PAK3: variants seen among roughly 807,000 people sequenced by gnomAD.
PAK3 encodes p21 (RAC1) activated kinase 3, also known as serine/threonine-protein kinase PAK 3.
In PAK3, 4 loss-of-function variants were observed where a neutral mutation model predicts 41.0. The ratio of observed to expected loss-of-function variants is 0.10; its 90% CI spans 0.05 to 0.22. The LOEUF (loss-of-function observed/expected upper bound fraction) is 0.22, where lower values mean the gene tolerates loss of function less well. Ranked by LOEUF, PAK3 falls within the 10% of genes least tolerant of loss-of-function variation. PAK3 has a pLI of 1.00. For missense variants in PAK3, 205 were observed against 409.9 expected (o/e 0.50, Z 4.32); for synonymous variants, 146 against 139.6 (o/e 1.05, Z -0.32).
chrX:111,131,703 C>T (rs897902581), intron 5 of PAK3, among the ~76,000 whole-genome samples: 10 of 111,919 alleles, frequency 8.9e-5, no homozygotes, highest in Non-Finnish European at 1.7e-4. Context: ...TGTGGGTTCC[C>T]TCTTGTAATA....
chrX:111,217,443 A>G (rs1227140851), intron 17 of PAK3: 1 of 791,891 alleles, frequency 1.3e-6, no homozygotes, highest in Non-Finnish European at 1.7e-6. Flanking sequence ...TAAGCCAATT[A>G]AACAGAAGGT....
intron 11 of PAK3, among the ~76,000 whole-genome samples, chrX:111,189,007 A>C (rs1439780470): frequency 9.0e-6 from 1 of 111,103 alleles, no homozygotes; most frequent in Non-Finnish European, 1.9e-5. Flanking sequence ...TTGGGGTACG[A>C]ATTATCCCAT....
chrX:111,088,360 C>T (rs1039963873), intron 1 of PAK3, among the ~76,000 whole-genome samples: 4 of 111,797 alleles, frequency 3.6e-5, no homozygotes, highest in Admixed American at 1.9e-4. Flanking sequence ...GATTTGAAGG[C>T]CAGCGGTTTA....
intron 1 of PAK3, among the ~76,000 whole-genome samples, chrX:111,032,489 C>T (rs1331286706): frequency 9.0e-6 from 1 of 111,651 alleles, no homozygotes; most frequent in Non-Finnish European, 1.9e-5. Flanking sequence ...CCAGAAATTG[C>T]GATTTGGGTA....
intron 1 of PAK3, among the ~76,000 whole-genome samples, chrX:111,061,080 G>A (rs1170264863): frequency 9.0e-6 from 1 of 110,838 alleles, no homozygotes; most frequent in Non-Finnish European, 1.9e-5. Flanking sequence ...TGATTTGAAG[G>A]TGTTTATTAT....
At chrX:111,201,139 A>G (rs905540212) in intron 16 of PAK3, among the ~76,000 whole-genome samples, 1 of 112,375 alleles carries the variant, frequency 8.9e-6, no homozygotes, top group Admixed American at 9.4e-5. Flanking sequence ...TACTCTCTGT[A>G]TGTGTGATCA....
At chrX:111,168,313 T>C (rs1328417125) in intron 10 of PAK3, among the ~76,000 whole-genome samples, 1 of 112,394 alleles carries the variant, frequency 8.9e-6, no homozygotes, top group Admixed American at 9.4e-5. Flanking sequence ...GAAATTGTTC[T>C]GGTATTGCTT....
intron 1 of PAK3, among the ~76,000 whole-genome samples, chrX:111,072,550 G>A (rs2092753584): frequency 8.9e-6 from 1 of 112,473 alleles, no homozygotes; most frequent in African/African-American, 3.2e-5. Context: ...GATTGTTCTA[G>A]GGATTACATG....
At chrX:111,065,017 C>A (rs1784375237) in intron 1 of PAK3, among the ~76,000 whole-genome samples, 1 of 112,176 alleles carries the variant, frequency 8.9e-6, no homozygotes, top group South Asian at 3.7e-4. Context: ...GATAGTTCAA[C>A]TTCTTATTTT....
chrX:110,959,483 A>T (rs1009057767), intron 1 of PAK3, among the ~76,000 whole-genome samples: 2 of 111,147 alleles, frequency 1.8e-5, no homozygotes, highest in Admixed American at 1.9e-4. Flanking sequence ...CTGGTCCTTC[A>T]CCCTCGTGTA....
At chrX:110,948,191 C>T (rs1417744956) in intron 1 of PAK3, among the ~76,000 whole-genome samples, 2 of 111,918 alleles carry the variant, frequency 1.8e-5, no homozygotes, top group South Asian at 3.8e-4. Flanking sequence ...TTCAGCATGG[C>T]CTTTAATATC....
rs899116699 is a variant in PAK3, at chrX:111,223,137, A to G, written c.*2690A>G. The G allele has an allele frequency of 2.0e-4, 22 of 110,824 alleles. No individual in the cohort carries two copies. Among genetic ancestry groups the G allele is most frequent in the African/African-American group, 7.2e-4 (22 of 30,533 alleles). The allele number at this position is 110,824 out of a possible 1,213,427, so 9.1% of individuals were successfully genotyped here. On this transcript the variant is annotated 3_prime_UTR_variant, in exon 18 of 18. Transcript: ENST00000372007. ...TTAACAGTTTATTCTCTTTCCCTGG[A>G]TTTTTAAGCTCATCTTGACACAGGT...
At chrX:111,030,197 T>C (rs1358939836) in intron 1 of PAK3, among the ~76,000 whole-genome samples, 1 of 111,723 alleles carries the variant, frequency 9.0e-6, no homozygotes, top group African/African-American at 3.3e-5. Flanking sequence ...TTTTATGCAT[T>C]CATAACATAT....
At chrX:111,181,484 C>A (rs189101876) in intron 11 of PAK3, among the ~76,000 whole-genome samples, 36 of 111,096 alleles carry the variant, frequency 3.2e-4, no homozygotes, top group South Asian at 7.7e-4. Flanking sequence ...CAGTCCCCCC[C>A]GTCTCTCTAA....
At chrX:110,960,988 T>A (rs1055757077) in intron 1 of PAK3, among the ~76,000 whole-genome samples, 29 of 111,503 alleles carry the variant, frequency 2.6e-4, no homozygotes, top group African/African-American at 9.5e-4. Flanking sequence ...TTCCAGCAAT[T>A]CTCATGTGTC....
At chrX:111,108,199 C>G (rs575105453) in intron 4 of PAK3, among the ~76,000 whole-genome samples, 1 of 112,197 alleles carries the variant, frequency 8.9e-6, no homozygotes. Context: ...AGAGAAGTCA[C>G]TTTCCAAAGT....
At chrX:110,976,583 A>C (rs1041730466) in intron 1 of PAK3, among the ~76,000 whole-genome samples, 4 of 111,942 alleles carry the variant, frequency 3.6e-5, no homozygotes, top group African/African-American at 1.3e-4. Flanking sequence ...TAGAATTACC[A>C]TTTGACCCAG....
intron 1 of PAK3, among the ~76,000 whole-genome samples, chrX:111,015,405 A>T (rs2092074156): frequency 9.0e-6 from 1 of 111,163 alleles, no homozygotes; most frequent in Admixed American, 9.5e-5. Context: ...GCTGCTATAA[A>T]CATTGGTGTA....
At chrX:111,160,523 T>A (rs188235816) in intron 8 of PAK3, among the ~76,000 whole-genome samples, 349 of 109,750 alleles carry the variant, frequency 3.2e-3, no homozygotes, top group East Asian at 9.4e-3. Context: ...CGTGCAGGTT[T>A]GTTACATATG....
Sources: gnomAD v4.1 joint callset for allele counts (sites outside exome capture counted in the v4.1 genomes callset) on GRCh38, gnomAD v4.1.1 for gene constraint, MANE v1.5 for transcripts, NCBI Gene and HGNC (gene_info 2026-07-23, HGNC 2026-07-21) for gene names.